The following ALDH3B2 variants were observed in gnomAD, a reference collection of about 807,000 sequenced individuals.
ALDH3B2 encodes the protein aldehyde dehydrogenase 3 family member B2, also known as aldehyde dehydrogenase family 3 member B2.
In ALDH3B2, 45 loss-of-function variants were observed where a neutral mutation model predicts 36.7. The observed-to-expected ratio is 1.23, with a 90% confidence interval of 0.97 to 1.57. ALDH3B2 has a LOEUF of 1.57. ALDH3B2 is among the 40% of genes most tolerant of loss of function. ALDH3B2 has a pLI of 0.00. For missense variants in ALDH3B2, 464 were observed against 513.3 expected (o/e 0.90, Z 0.93); for synonymous variants, 217 against 226.5 (o/e 0.96, Z 0.38).
upstream of ALDH3B2, among the ~76,000 whole-genome samples, chr11:67,675,275 A>G (rs1202133365): frequency 6.6e-6 from 1 of 152,174 alleles, no homozygotes; most frequent in Admixed American, 6.5e-5. Flanking sequence ...TAACAATAAC[A>G]CCTAATTGCC....
chr11:67,679,516 A>C (rs1234147650), upstream of ALDH3B2, among the ~76,000 whole-genome samples: 1 of 152,038 alleles, frequency 6.6e-6, no homozygotes, highest in African/African-American at 2.4e-5. Flanking sequence ...ACAGTGGCTC[A>C]TGCCTGTAAT....
chr11:67,679,806 G>T (rs6591274), intron 1 of ALDH3B2, among the ~76,000 whole-genome samples: 2 of 152,278 alleles, frequency 1.3e-5, no homozygotes, highest in African/African-American at 2.4e-5. Flanking sequence ...GCTGCATTTT[G>T]TGCGAAAAAA....
chr11:67,663,552 C>T, intron 9 of ALDH3B2, 110 bp downstream of exon 9: 1 of 1,366,134 alleles, frequency 7.3e-7, no homozygotes, highest in Non-Finnish European at 1.0e-6. Flanking sequence ...AAACTGAGGC[C>T]TTGAGAGGCC....
rs1344251020 is a variant in ALDH3B2 at position 67,672,930 on chromosome 11, TTTC to T, written c.-245+1504_-245+1506del. On this transcript the variant is annotated intron_variant, in intron 1 of 9. Transcript: ENST00000349015. ...CTTTCTTTCTTTTCTTTTCTTTTCT[TTTC>T]TTTTTTTTTTTTTTTGAGACGGAGT... is the stretch of plus-strand genomic sequence containing the variant. 7.9e-3 allele frequency among the ~76,000 whole-genome samples: 1,159 copies of T among 146,382 alleles called. 9 individuals are homozygous for T. Among genetic ancestry groups the T allele is most frequent in the Non-Finnish European group, 0.013 (893 of 66,484 alleles).
At chr11:67,662,987 C>G in exon 10 of ALDH3B2, 1 of 573,082 alleles carries the variant, frequency 1.7e-6, no homozygotes, top group Non-Finnish European at 3.0e-6. Context: ...TGAGTGAGGA[C>G]ACCTGGCATG....
At chr11:67,672,130 G>A (rs71462373) in intron 1 of ALDH3B2, among the ~76,000 whole-genome samples, 8,421 of 47,472 alleles carry the variant, frequency 0.18, 827 homozygotes, top group Admixed American at 0.21. Context: ...GTGTGTGTGT[G>A]TGTGTATATA....
intron 3 of ALDH3B2, 55 bp from the exon 4 acceptor site, chr11:67,666,749 C>T: frequency 6.2e-7 from 1 of 1,610,624 alleles, no homozygotes; most frequent in Non-Finnish European, 8.5e-7. Flanking sequence ...AAAGCCCACC[C>T]ACTGCACACT....
intron 3 of ALDH3B2, 60 bp downstream of exon 3, chr11:67,666,846 C>A: frequency 6.2e-7 from 1 of 1,613,324 alleles, no homozygotes; most frequent in Non-Finnish European, 8.5e-7. Flanking sequence ...AGAAGGGGGC[C>A]TGGGCCAGAG....
chr11:67,673,552 T>C (rs1339870910), intron 1 of ALDH3B2, among the ~76,000 whole-genome samples: 1 of 152,164 alleles, frequency 6.6e-6, no homozygotes, highest in Admixed American at 6.5e-5. Flanking sequence ...TGGGGGCAGA[T>C]GCTGAGAAAT....
chr11:67,664,513 C>T, exon 8 of ALDH3B2: 2 of 1,614,060 alleles, frequency 1.2e-6, no homozygotes, highest in Non-Finnish European at 1.7e-6. Flanking sequence ...CGAAGATCTC[C>T]TCCTGCATCA....
At chr11:67,677,544 A>G (rs1479766408), upstream of ALDH3B2, among the ~76,000 whole-genome samples, 1 of 152,194 alleles carries the variant, frequency 6.6e-6, no homozygotes, top group Non-Finnish European at 1.5e-5. Context: ...GAACCGGAAC[A>G]AGACAAGGAT....
chr11:67,664,184 G>A (rs1480850238), intron 8 of ALDH3B2: 7 of 726,594 alleles, frequency 9.6e-6, no homozygotes, highest in Non-Finnish European at 1.6e-5. Flanking sequence ...CCAGGACAGA[G>A]GATGGACCCG....
chr11:67,676,308 T>C (rs768445559), upstream of ALDH3B2, among the ~76,000 whole-genome samples: 4 of 152,050 alleles, frequency 2.6e-5, no homozygotes. Flanking sequence ...AAAAGAACCT[T>C]CAAAACCATG....
At chr11:67,680,255 A>G (rs1856346267) in intron 1 of ALDH3B2, among the ~76,000 whole-genome samples, 1 of 152,206 alleles carries the variant, frequency 6.6e-6, no homozygotes, top group Non-Finnish European at 1.5e-5. Context: ...TGGAGCTTGC[A>G]GTAAGCCGAG....
chr11:67,663,117 A>G, exon 10 of ALDH3B2: 3 of 1,387,028 alleles, frequency 2.2e-6, no homozygotes. Context: ...AGGCTGGGGG[A>G]ACCTGCGGTC....
chr11:67,667,557 C>T (rs1352561419), exon 2 of ALDH3B2: 2 of 384,462 alleles, frequency 5.2e-6, no homozygotes, highest in South Asian at 1.7e-4. Context: ...GCTGCGCAGC[C>T]CGGAACTCGG....
chr11:67,673,309 G>A (rs1171718292), intron 1 of ALDH3B2, among the ~76,000 whole-genome samples: 1 of 152,180 alleles, frequency 6.6e-6, no homozygotes, highest in Non-Finnish European at 1.5e-5. Flanking sequence ...CTGGACCTGG[G>A]TCCCATAGGT....
At chr11:67,680,330 A>G (rs2134165197) in intron 1 of ALDH3B2, among the ~76,000 whole-genome samples, 1 of 152,312 alleles carries the variant, frequency 6.6e-6, no homozygotes, top group East Asian at 1.9e-4. Context: ...AAAGAGTACC[A>G]GATTATAATT....
intron 1 of ALDH3B2, among the ~76,000 whole-genome samples, chr11:67,673,409 G>C (rs916043803): frequency 6.6e-6 from 1 of 152,136 alleles, no homozygotes; most frequent in African/African-American, 2.4e-5. Context: ...AAACATGATC[G>C]GTGGGCCAGG....
Sources: gnomAD v4.1 joint callset for allele counts (sites outside exome capture counted in the v4.1 genomes callset) on GRCh38, gnomAD v4.1.1 for gene constraint, MANE v1.5 for transcripts, NCBI Gene and HGNC (gene_info 2026-07-23, HGNC 2026-07-21) for gene names.